The following ABCA13 variants were observed in gnomAD, a reference collection of about 807,000 sequenced individuals.
ABCA13 encodes ATP-binding cassette sub-family A member 13.
A neutral mutation model predicts 478.7 loss-of-function variants in ABCA13; 476 were observed. The ratio of observed to expected loss-of-function variants is 0.99; its 90% CI spans 0.92 to 1.07. The LOEUF is 1.07. Ranked by LOEUF, ABCA13 falls within the 50% of genes least tolerant of loss-of-function variation. The probability of loss-of-function intolerance (pLI) is 0.00; values close to 1 mark genes in which losing one functional copy is unlikely to be tolerated. For synonymous variants in ABCA13, 2,252 were observed against 2,158.9 expected (o/e 1.04, Z -1.20); for missense variants, 6,060 against 5,910.6 (o/e 1.03, Z -0.83).
At chr7:48,458,539 T>C (rs967643312) in intron 43 of ABCA13, among the ~76,000 whole-genome samples, 7 of 152,202 alleles carry the variant, frequency 4.6e-5, no homozygotes, top group African/African-American at 1.7e-4. Flanking sequence ...ATAAATCTTA[T>C]CTTATTAGTG....
In ABCA13 at chr7:48,541,999, G is replaced by C. The variant is rs542488173; in HGVS notation, c.14354+13654G>C. On this transcript the variant is annotated intron_variant, in intron 55 of 61. Coordinates refer to ENST00000435803, the MANE Select transcript of ABCA13 (RefSeq NM_152701.5). ...AAACAAAACAAAACTGTATAAATAC[G>C]TTAACATTTAAATATATAATTCAAG... Among the ~76,000 whole-genome samples the C allele has an allele frequency of 2.0e-5, 3 of 151,238 alleles. No homozygotes were observed. In the East Asian group the frequency reaches 5.8e-4, roughly 29 times the overall value.
rs143629667 is a variant in ABCA13 at position 48,496,035 on chromosome 7, T to C, written c.13291+6691T>C. 2.0e-5 allele frequency among the ~76,000 whole-genome samples: 3 copies of C among 152,132 alleles called. No individual in the cohort carries two copies. In the East Asian group the frequency reaches 5.8e-4, roughly 29 times the overall value. ...GTGTAGAGTGTATATTGTTAGGTCA[T>C]ATTTTTTAAGCTGCACTGCCTATCT... On this transcript the variant is annotated intron_variant, in intron 48 of 61. Transcript: ENST00000435803.
At chr7:48,520,769 T>C (rs1180004765) in intron 53 of ABCA13, among the ~76,000 whole-genome samples, 3 of 152,214 alleles carry the variant, frequency 2.0e-5, no homozygotes, top group African/African-American at 7.2e-5. Context: ...GTTCTCATTG[T>C]TCAATTCCAA....
chr7:48,293,776 T>C (rs2128821411), intron 20 of ABCA13, among the ~76,000 whole-genome samples: 1 of 152,350 alleles, frequency 6.6e-6, no homozygotes, highest in Non-Finnish European at 1.5e-5. Flanking sequence ...TGATTGGTTG[T>C]TTAAAAAACT....
chr7:48,424,404 T>C (rs1821143029), intron 41 of ABCA13, among the ~76,000 whole-genome samples: 1 of 152,224 alleles, frequency 6.6e-6, no homozygotes, highest in African/African-American at 2.4e-5. Flanking sequence ...AGGAATACAG[T>C]GAGAACTCAG....
At chr7:48,364,802 T>A (rs562382272) in intron 31 of ABCA13, among the ~76,000 whole-genome samples, 121 of 152,348 alleles carry the variant, frequency 7.9e-4, no homozygotes, top group African/African-American at 2.7e-3. Flanking sequence ...CTTTATCTTT[T>A]CATCCATTGA....
intron 60 of ABCA13, 81 bp downstream of exon 60, chr7:48,643,474 T>G (rs753609190): frequency 1.3e-4 from 168 of 1,253,454 alleles, no homozygotes; most frequent in Non-Finnish European, 1.9e-4. Flanking sequence ...TTGTTTTTAT[T>G]CTATGCTGTT....
chr7:48,636,185 T>C (rs1490455756), intron 59 of ABCA13, among the ~76,000 whole-genome samples: 4 of 152,240 alleles, frequency 2.6e-5, no homozygotes, highest in Admixed American at 2.6e-4. Flanking sequence ...TACAGAGGCA[T>C]ATTTGAATGA....
chr7:48,344,321 C>G (rs1451724311), intron 29 of ABCA13, among the ~76,000 whole-genome samples: 1 of 152,170 alleles, frequency 6.6e-6, no homozygotes, highest in African/African-American at 2.4e-5. Context: ...TCTGTAGGGC[C>G]TAGGTTGAGA....
chr7:48,515,114 A>G (rs1173268746), intron 51 of ABCA13, among the ~76,000 whole-genome samples: 1 of 152,196 alleles, frequency 6.6e-6, no homozygotes, highest in East Asian at 1.9e-4. Context: ...GAAGTCTCAT[A>G]CTTTTCAGAA....
At position 48,646,727 on chromosome 7, in the gene ABCA13, G is replaced by C. The variant is rs550359560; in HGVS notation, c.*1215G>C. 1.3e-5 allele frequency: 2 copies of C among 152,310 alleles called. No individual in the cohort carries two copies. Among genetic ancestry groups the C allele is most frequent in the South Asian group, 4.1e-4 (2 of 4,826 alleles). 9.4% of individuals were successfully genotyped at this position (152,310 alleles called of 1,614,324 possible). A position where few individuals can be genotyped will look rare whatever the true frequency, so the allele number is the denominator to read the frequency against. On this transcript the variant is annotated 3_prime_UTR_variant, in exon 62 of 62. Coordinates refer to ENST00000435803, the MANE Select transcript of ABCA13 (RefSeq NM_152701.5). ...GTAGAGACGGGGTTTCACCGTGTTAGCCAGGATGGTCTCTATCTCCTGACC... is the reference window on the plus strand; with the variant it reads ...GTAGAGACGGGGTTTCACCGTGTTACCCAGGATGGTCTCTATCTCCTGACC...
At chr7:48,223,905 C>G (rs1354730052) in intron 5 of ABCA13, among the ~76,000 whole-genome samples, 2 of 148,546 alleles carry the variant, frequency 1.3e-5, no homozygotes, top group Non-Finnish European at 3.0e-5. Context: ...GTTGCAGTGA[C>G]CTGAGATTGT....
intron 23 of ABCA13, among the ~76,000 whole-genome samples, chr7:48,303,274 G>A (rs961289971): frequency 2.4e-4 from 37 of 151,820 alleles, no homozygotes; most frequent in African/African-American, 7.2e-4. Flanking sequence ...AAAACCTCCC[G>A]TTCTGTAGAT....
Position 48,198,289 on chromosome 7 carries a change from A to T in ABCA13, c.216A>T (p.Gln72His). The change falls in exon 3 of 62, where the codon CAA (glutamine) becomes CAT (histidine). Residue 72 changes from glutamine to histidine, a missense_variant. By Grantham distance (24) the Gln-to-His change is conservative (BLOSUM62 0). Transcript: ENST00000435803. ...GCTGTGGTGTTATCCCCTTTGTTCAAAGCCTTCTTTGTAACACTGGATCAA... is the reference window on the plus strand; with the variant it reads ...GCTGTGGTGTTATCCCCTTTGTTCATAGCCTTCTTTGTAACACTGGATCAA... ...LPSCGVIPFV[Q>H]SLLCNTGSRC... is the part of the protein sequence containing the mutation. The T allele has an allele frequency of 1.2e-6, 2 of 1,613,712 alleles. No homozygotes were observed. Among genetic ancestry groups the T allele is most frequent in the Non-Finnish European group, 1.7e-6 (2 of 1,179,804 alleles).
chr7:48,560,573 A>T (rs1786354555), intron 55 of ABCA13, among the ~76,000 whole-genome samples: 1 of 152,168 alleles, frequency 6.6e-6, no homozygotes, highest in Non-Finnish European at 1.5e-5. Context: ...TGCAGGAGGG[A>T]CAATCAGTAG....
At chr7:48,388,004 A>G in intron 36 of ABCA13, 45 bp downstream of exon 36, 2 of 1,573,958 alleles carry the variant, frequency 1.3e-6, no homozygotes, top group Non-Finnish European at 1.7e-6. Context: ...TTTTCCTTTG[A>G]TCCATTTTGA....
chr7:48,397,118 T>G (rs1289483532), intron 38 of ABCA13, among the ~76,000 whole-genome samples: 2 of 152,210 alleles, frequency 1.3e-5, no homozygotes, highest in Non-Finnish European at 2.9e-5. Context: ...TGAGCCCTGC[T>G]GGGAGTTTGC....
intron 48 of ABCA13, among the ~76,000 whole-genome samples, chr7:48,490,671 A>G (rs963864220): frequency 5.3e-5 from 8 of 152,242 alleles, no homozygotes; most frequent in African/African-American, 1.9e-4. Flanking sequence ...TATATGGAAC[A>G]GTCCAGTTTC....
chr7:48,586,896 C>T (rs954452138), intron 56 of ABCA13, among the ~76,000 whole-genome samples: 9 of 152,112 alleles, frequency 5.9e-5, no homozygotes, highest in Non-Finnish European at 1.3e-4. Flanking sequence ...GTGTTTCTTG[C>T]CCACCCTTCT....
Sources: gnomAD v4.1 joint callset for allele counts (sites outside exome capture counted in the v4.1 genomes callset) on GRCh38, gnomAD v4.1.1 for gene constraint, MANE v1.5 for transcripts, NCBI Gene and HGNC (gene_info 2026-07-23, HGNC 2026-07-21) for gene names.